The following SLC2A11 variants were observed in gnomAD, a reference collection of about 807,000 sequenced individuals.
The protein encoded by SLC2A11 is solute carrier family 2 member 11.
Under a neutral mutation model 52.1 loss-of-function variants are expected in SLC2A11, and 43 were observed. The ratio of observed to expected loss-of-function variants is 0.82; its 90% CI spans 0.65 to 1.06. The LOEUF (loss-of-function observed/expected upper bound fraction) is 1.06, where lower values mean the gene tolerates loss of function less well. SLC2A11 is among the 50% of genes least tolerant of loss of function. The pLI, the probability that SLC2A11 is intolerant of heterozygous loss-of-function variation, is 0.00. For synonymous variants in SLC2A11, 261 were observed against 277.6 expected (o/e 0.94, Z 0.59); for missense variants, 582 against 654.2 (o/e 0.89, Z 1.20).
chr22:23,856,988 A>T, upstream of SLC2A11: 1 of 1,592,074 alleles, frequency 6.3e-7, no homozygotes, highest in South Asian at 1.1e-5. Context: ...CGCTCCGAAG[A>T]CTGGTGGGTC....
At chr22:23,857,873 G>T (rs543122165), upstream of SLC2A11, 20 of 1,541,560 alleles carry the variant, frequency 1.3e-5, no homozygotes, top group South Asian at 4.8e-5. Context: ...GTGCGCTAGC[G>T]CCTCTTTCAC....
intron 4 of SLC2A11, 145 bp downstream of exon 4, chr22:23,875,386 A>T: frequency 9.8e-7 from 1 of 1,025,142 alleles, no homozygotes; most frequent in South Asian, 3.6e-5. Context: ...TCACAAAAGG[A>T]TGTAGTATAG....
In SLC2A11 at chr22:23,858,707, A is replaced by AAAAAT. The variant is rs200311772; in HGVS notation, c.30+700_30+704dup. On this transcript the variant is annotated intron_variant, in intron 1 of 11. Coordinates refer to ENST00000316185, the MANE Select transcript of SLC2A11 (RefSeq NM_001024939.4). ...TAGCGAGACCTTGTCTCTAAAAAAT[A>AAAAAT]AAAATAAAATAAAATAAAATAAAAT... Among the ~76,000 whole-genome samples the AAAAAT allele has an allele frequency of 1.1e-3, 173 of 152,328 alleles. 2 individuals are homozygous for AAAAAT. Among genetic ancestry groups the AAAAAT allele is most frequent in the East Asian group, 9.6e-3 (50 of 5,186 alleles).
chr22:23,857,681 C>G, upstream of SLC2A11: 1 of 1,132,280 alleles, frequency 8.8e-7, no homozygotes. Context: ...GCCTCAGGCG[C>G]CCTCCGCGAC....
intron 1 of SLC2A11, among the ~76,000 whole-genome samples, chr22:23,861,211 A>G (rs1306050152): frequency 6.2e-5 from 8 of 129,912 alleles, no homozygotes; most frequent in Non-Finnish European, 1.1e-4. Flanking sequence ...AACTTCTGAC[A>G]TTGTGATCCA....
At chr22:23,856,996 G>T (rs779049600), upstream of SLC2A11, 1 of 1,602,946 alleles carries the variant, frequency 6.2e-7, no homozygotes, top group Non-Finnish European at 8.5e-7. Context: ...AGACTGGTGG[G>T]TCTATCTTTC....
intron 2 of SLC2A11, chr22:23,866,017 A>ATTAGCCTGGCATGCTGGT (rs2032249239): frequency 6.6e-6 from 1 of 152,050 alleles, no homozygotes; most frequent in Admixed American, 6.6e-5. Context: ...AAGTAAAAAA[A>ATTAGCCTGGCATGCTGGT]ATGCAACAGG....
chr22:23,860,341 G>A (rs2032005194), intron 1 of SLC2A11, among the ~76,000 whole-genome samples: 1 of 152,110 alleles, frequency 6.6e-6, no homozygotes, highest in South Asian at 2.1e-4. Flanking sequence ...TTGAGCCCAG[G>A]AGGTTGAGGC....
At chr22:23,878,085 A>G (rs1224393620) in intron 6 of SLC2A11, among the ~76,000 whole-genome samples, 1 of 152,198 alleles carries the variant, frequency 6.6e-6, no homozygotes, top group African/African-American at 2.4e-5. Context: ...AGACCTAGCC[A>G]CTGTTACTCA....
At chr22:23,882,183 C>A (rs2032833515) in intron 6 of SLC2A11, 1 of 448,178 alleles carries the variant, frequency 2.2e-6, no homozygotes. Context: ...GAGACAGAGG[C>A]AGAGAGAGAG....
chr22:23,860,827 G>A (rs1393508827), intron 1 of SLC2A11, among the ~76,000 whole-genome samples: 2 of 147,354 alleles, frequency 1.4e-5, no homozygotes, highest in Non-Finnish European at 3.0e-5. Context: ...GATTACAGAC[G>A]CCTGCCAACA....
rs183255367 is a variant in SLC2A11 at position 23,875,109 on chromosome 22, C to T, written c.291-8C>T. ...GCCTCTCTTTCTGTGTGTTTCACTT[C>T]CCCCAAGGAAGAAGTCCCTCCTGGT... On this transcript the variant is annotated splice_region_variant and splice_polypyrimidine_tract_variant and intron_variant, in intron 3 of 11. Coordinates refer to ENST00000316185, the MANE Select transcript of SLC2A11 (RefSeq NM_001024939.4). 9.6e-6 allele frequency: 15 copies of T among 1,565,024 alleles called. No individual in the cohort carries two copies. The highest frequency in any genetic ancestry group is 2.7e-5 in the African/African-American group (2 of 73,370).
chr22:23,870,152 G>C lies in SLC2A11; in HGVS notation c.290+1511G>C, dbSNP rs1375693975. ...CTCATATCTGCACCGTGGGGAGTAG[G>C]GGAACAGTCGCAAACAAAAGTGGGG... is the stretch of plus-strand genomic sequence containing the variant. On this transcript the variant is annotated intron_variant, in intron 3 of 11. Transcript: ENST00000316185. 5 of 643,146 alleles carry C rather than the reference G, an allele frequency of 7.8e-6. No homozygotes were observed. In the East Asian group the frequency reaches 1.4e-4, roughly 18 times the overall value. 39.8% of individuals were successfully genotyped at this position (643,146 alleles called of 1,614,324 possible).
Position 23,861,997 on chromosome 22 carries a change from A to T in SLC2A11, c.31-107A>T. On this transcript the variant is annotated intron_variant, in intron 1 of 11. Coordinates refer to ENST00000316185, the MANE Select transcript of SLC2A11 (RefSeq NM_001024939.4). ...CTTTCCTCATCTGCAAAGTGGAGAC[A>T]TCACTGCCTGATTCAAATAAATTGC... 6.5e-6 allele frequency: 6 copies of T among 921,208 alleles called. No individual in the cohort carries two copies. The South Asian group carries it at 8.3e-5, about 13-fold the overall frequency. The allele number at this position is 921,208 out of a possible 1,614,324, so 57.1% of individuals were successfully genotyped here. A position where few individuals can be genotyped will look rare whatever the true frequency, so the allele number is the denominator to read the frequency against.
At chr22:23,867,372 AT>A (rs1199087258) in intron 2 of SLC2A11, 1 of 152,106 alleles carries the variant, frequency 6.6e-6, no homozygotes, top group Non-Finnish European at 1.4e-5. Context: ...TTTTTTTTGT[AT>A]TTTTAGTAGA....
At chr22:23,865,052 A>G (rs1302240061) in intron 2 of SLC2A11, among the ~76,000 whole-genome samples, 1 of 144,166 alleles carries the variant, frequency 6.9e-6, no homozygotes, top group African/African-American at 2.6e-5. Context: ...AGTTGCAGTG[A>G]GCTGAGATCT....
chr22:23,876,312 C>T (rs987441457), intron 4 of SLC2A11, among the ~76,000 whole-genome samples: 7 of 152,282 alleles, frequency 4.6e-5, no homozygotes, highest in Admixed American at 3.9e-4. Flanking sequence ...AAGGAATCCC[C>T]AGCTAAATGT....
chr22:23,878,428 T>C (rs1284747675), intron 6 of SLC2A11, among the ~76,000 whole-genome samples: 2 of 152,144 alleles, frequency 1.3e-5, no homozygotes, highest in Non-Finnish European at 2.9e-5. Context: ...GCCATTCAGC[T>C]TTGCTGCACT....
intron 3 of SLC2A11, chr22:23,872,397 C>G (rs1207331332): frequency 6.6e-6 from 1 of 152,064 alleles, no homozygotes; most frequent in East Asian, 1.9e-4. Context: ...AGGAGAGTAG[C>G]TCAACTTAAA....
Sources: gnomAD v4.1 joint callset for allele counts (sites outside exome capture counted in the v4.1 genomes callset) on GRCh38, gnomAD v4.1.1 for gene constraint, MANE v1.5 for transcripts, NCBI Gene and HGNC (gene_info 2026-07-23, HGNC 2026-07-21) for gene names.